The following UXS1 variants were observed in gnomAD, a reference collection of about 807,000 sequenced individuals.
UXS1 encodes UDP-glucuronate decarboxylase 1.
A neutral mutation model predicts 62.6 loss-of-function variants in UXS1; 33 were observed. That is an observed-to-expected ratio of 0.53 (90% CI 0.40 to 0.70). The LOEUF is 0.70. Ranked by LOEUF, UXS1 falls within the 30% of genes least tolerant of loss-of-function variation. UXS1 has a pLI of 0.00. For missense variants in UXS1, 434 were observed against 556.3 expected (o/e 0.78, Z 2.21); for synonymous variants, 213 against 206.8 (o/e 1.03, Z -0.26).
intron 6 of UXS1, among the ~76,000 whole-genome samples, chr2:106,143,991 G>A (rs1031354527): frequency 7.2e-5 from 11 of 152,148 alleles, no homozygotes; most frequent in Non-Finnish European, 1.5e-5. Context: ...TCATTTTAAA[G>A]CCAGCTGGTT....
chr2:106,141,612 C>CA (rs1681101573), intron 6 of UXS1, among the ~76,000 whole-genome samples: 3 of 151,942 alleles, frequency 2.0e-5, no homozygotes, highest in African/African-American at 7.3e-5. Flanking sequence ...TGCATGCCAC[C>CA]ATGCCTGGGT....
At chr2:106,191,837 C>T (rs941182970) in intron 1 of UXS1, among the ~76,000 whole-genome samples, 56 of 152,372 alleles carry the variant, frequency 3.7e-4, no homozygotes, top group African/African-American at 1.3e-3. Context: ...ATTGCTCTCA[C>T]TCAGGAGTTC....
intron 9 of UXS1, among the ~76,000 whole-genome samples, chr2:106,117,080 T>TTC (rs528738118): frequency 4.3e-4 from 65 of 152,322 alleles, no homozygotes; most frequent in African/African-American, 1.4e-3. Flanking sequence ...TGTGTGGGTT[T>TTC]TCTCCAGGTA....
chr2:106,179,950 A>C (rs1004889691), intron 1 of UXS1, among the ~76,000 whole-genome samples: 3 of 152,174 alleles, frequency 2.0e-5, no homozygotes, highest in African/African-American at 7.2e-5. Flanking sequence ...TACTAAAAAA[A>C]ATAACAAAAT....
chr2:106,142,692 C>T (rs1173041580), intron 6 of UXS1, among the ~76,000 whole-genome samples: 1 of 152,086 alleles, frequency 6.6e-6, no homozygotes, highest in African/African-American at 2.4e-5. Context: ...TGGAGGGCAG[C>T]AAGGGGGAAA....
intron 1 of UXS1, among the ~76,000 whole-genome samples, chr2:106,191,451 C>G (rs1273160159): frequency 6.6e-6 from 1 of 152,150 alleles, no homozygotes; most frequent in Admixed American, 6.5e-5. Context: ...AATCACAAGC[C>G]CTGTAACATT....
At chr2:106,165,150 T>C (rs1683133634) in intron 2 of UXS1, among the ~76,000 whole-genome samples, 1 of 152,210 alleles carries the variant, frequency 6.6e-6, no homozygotes, top group African/African-American at 2.4e-5. Context: ...GGGGATTTAA[T>C]GTAAAAATGG....
At chr2:106,192,133 G>A (rs1308730105) in intron 1 of UXS1, among the ~76,000 whole-genome samples, 2 of 152,182 alleles carry the variant, frequency 1.3e-5, no homozygotes, top group Non-Finnish European at 2.9e-5. Flanking sequence ...TACACTATGT[G>A]GTATAGGGTC....
intron 1 of UXS1, among the ~76,000 whole-genome samples, chr2:106,187,372 CA>C (rs1032272076): frequency 2.6e-5 from 4 of 152,142 alleles, no homozygotes; most frequent in African/African-American, 9.7e-5. Context: ...TGCTGTCCCC[CA>C]GGGTCCTCTG....
intron 10 of UXS1, 80 bp from the exon 11 acceptor site, chr2:106,104,917 C>T: frequency 1.3e-6 from 2 of 1,567,606 alleles, no homozygotes; most frequent in Non-Finnish European, 1.8e-6. Flanking sequence ...CCAGGGGACA[C>T]AGTCCGACCT....
intron 2 of UXS1, among the ~76,000 whole-genome samples, chr2:106,165,696 C>G (rs563568404): frequency 6.6e-6 from 1 of 152,122 alleles, no homozygotes. Flanking sequence ...CATGGCTTCC[C>G]GAAGACAGCT....
At chr2:106,111,406 C>T (rs920780715) in intron 10 of UXS1, among the ~76,000 whole-genome samples, 1 of 152,202 alleles carries the variant, frequency 6.6e-6, no homozygotes, top group Non-Finnish European at 1.5e-5. Context: ...CCCAGGAATG[C>T]ACTCAGCGAA....
At chr2:106,118,813 T>C (rs1468886027) in intron 9 of UXS1, among the ~76,000 whole-genome samples, 1 of 152,244 alleles carries the variant, frequency 6.6e-6, no homozygotes, top group East Asian at 1.9e-4. Context: ...ATCTTGTTTA[T>C]ATTTTCAATC....
At chr2:106,145,005 C>T (rs917792600) in intron 6 of UXS1, among the ~76,000 whole-genome samples, 185 bp downstream of exon 6, 4 of 152,196 alleles carry the variant, frequency 2.6e-5, no homozygotes, top group African/African-American at 9.7e-5. Flanking sequence ...GCTATTCACA[C>T]TGTTATAACC....
chr2:106,157,947 C>T (rs1553433541), intron 5 of UXS1, 111 bp downstream of exon 5: 3 of 942,990 alleles, frequency 3.2e-6, no homozygotes, highest in Non-Finnish European at 3.2e-6. Flanking sequence ...ATACTATAAG[C>T]CACTGAATCG....
intron 10 of UXS1, among the ~76,000 whole-genome samples, chr2:106,105,690 A>C (rs1678001049): frequency 6.6e-6 from 1 of 152,222 alleles, no homozygotes; most frequent in African/African-American, 2.4e-5. Flanking sequence ...GTGCGATACC[A>C]GCATGGGATG....
chr2:106,182,297 C>A (rs1309841131), intron 1 of UXS1, among the ~76,000 whole-genome samples: 1 of 152,146 alleles, frequency 6.6e-6, no homozygotes, highest in African/African-American at 2.4e-5. Flanking sequence ...ATGAATTTGT[C>A]CTGGGCCACA....
intron 6 of UXS1, chr2:106,138,955 A>G: frequency 5.8e-6 from 5 of 857,632 alleles, no homozygotes; most frequent in Non-Finnish European, 7.0e-6. Flanking sequence ...GAAGAGGGGA[A>G]ATTCAGAGCA....
chr2:106,180,960 A>G (rs564999781), intron 1 of UXS1, among the ~76,000 whole-genome samples: 31 of 152,346 alleles, frequency 2.0e-4, no homozygotes, highest in Non-Finnish European at 4.0e-4. Flanking sequence ...GATATGTGAC[A>G]ATATTTTACC....
Sources: allele counts gnomAD v4.1 joint callset (sites outside exome capture counted in the v4.1 genomes callset), GRCh38; gene constraint gnomAD v4.1.1; transcripts MANE v1.5; gene names NCBI Gene and HGNC (gene_info 2026-07-23, HGNC 2026-07-21).